The following ANTXR2 variants were observed in gnomAD, a reference collection of about 807,000 sequenced individuals.
The protein encoded by ANTXR2 is ANTXR cell adhesion molecule 2, also known as anthrax toxin receptor 2.
In ANTXR2, 44 loss-of-function variants were observed where a neutral mutation model predicts 73.7. The observed-to-expected ratio is 0.60, with a 90% CI of 0.47 to 0.77. The LOEUF (loss-of-function observed/expected upper bound fraction) is 0.77, where lower values mean the gene tolerates loss of function less well. Ranked by LOEUF, ANTXR2 falls within the 30% of genes least tolerant of loss-of-function variation. ANTXR2 has a pLI of 0.00. For synonymous variants in ANTXR2, 217 were observed against 205.9 expected (o/e 1.05, Z -0.46); for missense variants, 604 against 592.5 (o/e 1.02, Z -0.20).
chr4:79,934,672 C>T (rs1728189995), intron 16 of ANTXR2, among the ~76,000 whole-genome samples: 1 of 151,978 alleles, frequency 6.6e-6, no homozygotes, highest in Admixed American at 6.6e-5. Flanking sequence ...TGTGAATGTG[C>T]ATGAAGCTTA....
At chr4:79,972,924 A>AAAAAAAAGAAAAAAG (rs1729475841) in intron 16 of ANTXR2, among the ~76,000 whole-genome samples, 2 of 17,014 alleles carry the variant, frequency 1.2e-4, no homozygotes, top group African/African-American at 1.9e-4. Context: ...GTATAATAAA[A>AAAAAAAAGAAAAAAG]AAAAAAAAAA....
intron 16 of ANTXR2, among the ~76,000 whole-genome samples, chr4:79,925,902 T>A (rs1021255098): frequency 5.9e-5 from 9 of 152,112 alleles, no homozygotes; most frequent in African/African-American, 2.2e-4. Flanking sequence ...CATGAAGAAT[T>A]TTTAAAGCAT....
intron 16 of ANTXR2, among the ~76,000 whole-genome samples, chr4:79,936,069 G>A (rs1728246655): frequency 6.6e-6 from 1 of 152,140 alleles, no homozygotes; most frequent in South Asian, 2.1e-4. Flanking sequence ...TTTAGCAAGT[G>A]TACAACCTCT....
intron 3 of ANTXR2, among the ~76,000 whole-genome samples, chr4:80,068,664 C>G (rs1180489402): frequency 3.3e-5 from 5 of 152,090 alleles, no homozygotes; most frequent in African/African-American, 9.7e-5. Flanking sequence ...CCCAGCTACT[C>G]GGGAGGCTGA....
chr4:80,060,142 G>GT (rs372407717), intron 3 of ANTXR2, among the ~76,000 whole-genome samples: 1 of 152,164 alleles, frequency 6.6e-6, no homozygotes, highest in African/African-American at 2.4e-5. Context: ...ACACAGTGAT[G>GT]TGAGAATTCC....
chr4:79,907,492 T>G (rs776182633), intron 16 of ANTXR2, 25 bp from the exon 17 acceptor site: 2 of 1,606,638 alleles, frequency 1.2e-6, no homozygotes. Flanking sequence ...AAATCCATAT[T>G]GAAATATTGA....
intron 14 of ANTXR2, among the ~76,000 whole-genome samples, chr4:79,980,622 C>G (rs997713069): frequency 4.0e-5 from 6 of 150,936 alleles, no homozygotes; most frequent in Non-Finnish European, 8.9e-5. Flanking sequence ...ATTTCAGAAT[C>G]GAGAAAAGAA....
At chr4:80,003,006 T>G (rs1731124721) in intron 12 of ANTXR2, among the ~76,000 whole-genome samples, 1 of 141,046 alleles carries the variant, frequency 7.1e-6, no homozygotes, top group Non-Finnish European at 1.6e-5. Flanking sequence ...AGTGTGGCCA[T>G]TCCTCAGGGA....
chr4:79,951,282 G>A (rs547713030), intron 16 of ANTXR2, among the ~76,000 whole-genome samples: 60 of 152,096 alleles, frequency 3.9e-4, no homozygotes, highest in Admixed American at 1.1e-3. Flanking sequence ...ACATTCTCCA[G>A]AACTGAACAG....
chr4:80,003,087 G>T lies in ANTXR2; in HGVS notation c.1041+5434C>A, dbSNP rs987464714. ...TATATACCCAAAGGACTATAAATCA[G>T]GCTGCTATAAAGACATATGCACACG... is the stretch of plus-strand genomic sequence containing the variant. On this transcript the variant is annotated intron_variant, in intron 12 of 16. Transcript: ENST00000403729. Among the ~76,000 whole-genome samples, 7 of 151,802 alleles carry T rather than the reference G, an allele frequency of 4.6e-5. No homozygotes were observed. The South Asian group carries it at 8.3e-4, about 18-fold the overall frequency.
chr4:79,989,796 A>G (rs28763597), intron 12 of ANTXR2, among the ~76,000 whole-genome samples: 87,729 of 151,922 alleles, frequency 0.58, 27,510 homozygotes, highest in East Asian at 0.92. Flanking sequence ...GATCCAGTAG[A>G]CTTTATCCCT....
chr4:80,019,164 C>T (rs1041376435), intron 10 of ANTXR2, among the ~76,000 whole-genome samples, 188 bp from the exon 11 acceptor site: 2 of 152,048 alleles, frequency 1.3e-5, no homozygotes, highest in Admixed American at 6.5e-5. Flanking sequence ...CATGAGCCAC[C>T]GTGCCCAGCA....
At position 80,031,283 on chromosome 4, in the gene ANTXR2, C is replaced by T. The variant is rs534483189; in HGVS notation, c.866+340G>A. ...GTGTGCATGCACACACATGTGTGTG[C>T]GTGTGCATGTGTGTGTGTTTAAAAT... is the stretch of plus-strand genomic sequence containing the variant. On this transcript the variant is annotated intron_variant, in intron 10 of 16. Transcript: ENST00000403729. Among the ~76,000 whole-genome samples, 6 of 147,062 alleles carry T rather than the reference C, an allele frequency of 4.1e-5. No individual in the cohort carries two copies. The South Asian group carries it at 8.6e-4, about 21-fold the overall frequency.
intron 12 of ANTXR2, among the ~76,000 whole-genome samples, chr4:80,001,946 T>C (rs1165365041): frequency 5.9e-5 from 9 of 151,996 alleles, no homozygotes; most frequent in Admixed American, 5.9e-4. Context: ...TGTGTGTCTC[T>C]GCACGTGAGA....
At chr4:80,064,560 C>G (rs1448707355) in intron 3 of ANTXR2, among the ~76,000 whole-genome samples, 1 of 152,126 alleles carries the variant, frequency 6.6e-6, no homozygotes, top group African/African-American at 2.4e-5. Context: ...ACCAACAGAA[C>G]CACTTGAAAA....
chr4:79,993,760 G>GCGCGCGCGCACA lies in ANTXR2; in HGVS notation c.1042-8898_1042-8897insTGTGCGCGCGCG, dbSNP rs71662888. On this transcript the variant is annotated intron_variant, in intron 12 of 16. Transcript: ENST00000403729. ...GGCAATACACCACACACACACACAC[G>GCGCGCGCGCACA]CACACACACACACACACACACACAT... 2.3e-3 allele frequency among the ~76,000 whole-genome samples: 329 copies of GCGCGCGCGCACA among 140,768 alleles called. 1 individual carries two copies. The highest frequency in any genetic ancestry group is 5.0e-3 in the East Asian group (24 of 4,812). The allele number at this position is 140,768 out of a possible 152,430, so 92.3% of individuals were successfully genotyped here.
intron 7 of ANTXR2, among the ~76,000 whole-genome samples, chr4:80,040,297 A>G (rs1300749127): frequency 2.6e-5 from 4 of 152,090 alleles, no homozygotes; most frequent in African/African-American, 9.7e-5. Flanking sequence ...AAAGGAAAGA[A>G]AAAATAGAAT....
At position 79,937,227 on chromosome 4, in the gene ANTXR2, T is replaced by C. The variant is rs377590774; in HGVS notation, c.1429-29760A>G. Among the ~76,000 whole-genome samples the C allele has an allele frequency of 5.6e-4, 85 of 152,192 alleles. No individual in the cohort carries two copies. The South Asian group carries it at 0.017, about 31-fold the overall frequency. On this transcript the variant is annotated intron_variant, in intron 16 of 16. Coordinates refer to ENST00000403729, the MANE Select transcript of ANTXR2 (RefSeq NM_058172.6). ...TTCTTAATGAAGCAATTGCTAGCAA[T>C]AGGAAAACCTCAAAAGATTCACATT...
intron 16 of ANTXR2, among the ~76,000 whole-genome samples, chr4:79,975,281 C>T (rs1354541561): frequency 6.6e-6 from 1 of 152,146 alleles, no homozygotes; most frequent in Non-Finnish European, 1.5e-5. Flanking sequence ...CAAGAGTACC[C>T]AGAACACATT....
Sources: allele counts gnomAD v4.1 joint callset (sites outside exome capture counted in the v4.1 genomes callset), GRCh38; gene constraint gnomAD v4.1.1; transcripts MANE v1.5; gene names NCBI Gene and HGNC (gene_info 2026-07-23, HGNC 2026-07-21).